The following PTPRT variants were observed in gnomAD, a reference collection of about 807,000 sequenced individuals.
PTPRT encodes receptor-type tyrosine-protein phosphatase T.
In PTPRT, 56 loss-of-function variants were observed where a neutral mutation model predicts 176.8. The observed-to-expected ratio is 0.32, with a 90% CI of 0.26 to 0.40. The LOEUF is 0.40. Ranked by LOEUF, PTPRT falls within the 10% of genes least tolerant of loss-of-function variation. PTPRT has a pLI of 1.00. For missense variants in PTPRT, 1,540 were observed against 1,908.2 expected (o/e 0.81, Z 3.60); for synonymous variants, 783 against 739.0 (o/e 1.06, Z -0.96).
At chr20:42,465,376 T>C (rs62203558) in intron 8 of PTPRT, among the ~76,000 whole-genome samples, 1 of 152,214 alleles carries the variant, frequency 6.6e-6, no homozygotes, top group Non-Finnish European at 1.5e-5. Context: ...GCTACAGTAT[T>C]ATTTATGATA....
intron 19 of PTPRT, among the ~76,000 whole-genome samples, chr20:42,126,025 T>TGGGGGGGGGGGGGGGGGGGGG (rs144977174): frequency 2.4e-5 from 1 of 41,798 alleles, no homozygotes. Context: ...TGTCTGGGAG[T>TGGGGGGGGGGGGGGGGGGGGG]GGGGGGGGGG....
In PTPRT at chr20:42,140,992, G is replaced by C. The variant is rs887349098; in HGVS notation, c.2770+923C>G. 4.5e-4 allele frequency among the ~76,000 whole-genome samples: 69 copies of C among 152,134 alleles called. 1 individual carries two copies. The highest frequency in any genetic ancestry group is 1.5e-3 in the African/African-American group (63 of 41,424). ...TAACTTTCCCAGGGCCCTACAGTTG[G>C]GATAGAAACCTGGGCAGTTTGACTC... On this transcript the variant is annotated intron_variant, in intron 18 of 30. Coordinates refer to ENST00000373187, the MANE Select transcript of PTPRT (RefSeq NM_007050.6).
the PTPRT span, among the ~76,000 whole-genome samples, chr20:42,038,419 G>C: frequency 5.3e-5 from 8 of 152,176 alleles, no homozygotes; most frequent in Non-Finnish European, 1.0e-4. Flanking sequence ...GCACGAGTGA[G>C]TCCAACTTGG....
chr20:43,049,192 T>C (rs1296217090), intron 1 of PTPRT, among the ~76,000 whole-genome samples: 1 of 152,236 alleles, frequency 6.6e-6, no homozygotes, highest in East Asian at 1.9e-4. Context: ...ATTGTGGAGA[T>C]TAACATTCAA....
intron 1 of PTPRT, among the ~76,000 whole-genome samples, chr20:42,951,600 T>G (rs1296277375): frequency 6.6e-6 from 1 of 152,228 alleles, no homozygotes; most frequent in East Asian, 1.9e-4. Context: ...ACCTAAGATT[T>G]CAATATCTTT....
At chr20:42,508,755 A>G (rs1394211375) in intron 7 of PTPRT, among the ~76,000 whole-genome samples, 1 of 151,746 alleles carries the variant, frequency 6.6e-6, no homozygotes, top group Non-Finnish European at 1.5e-5. Flanking sequence ...TACTCTAAAC[A>G]GGTGAGCTAT....
In PTPRT at chr20:42,865,683, G is replaced by A. The variant is rs1469350970; in HGVS notation, c.214+20124C>T. ...TCTCCAAGGCAAAGGAAAGAACATG[G>A]CAGTGATGACAAGGGGATGGCAAAG... On this transcript the variant is annotated intron_variant, in intron 2 of 30. Coordinates refer to ENST00000373187, the MANE Select transcript of PTPRT (RefSeq NM_007050.6). 2.0e-5 allele frequency among the ~76,000 whole-genome samples: 3 copies of A among 152,268 alleles called. No individual in the cohort carries two copies. In the East Asian group the frequency reaches 5.8e-4, roughly 29 times the overall value.
rs1010064049 is a variant in PTPRT at position 42,386,227 on chromosome 20, C to T, written c.1561-33942G>A. Among the ~76,000 whole-genome samples, 3 of 152,172 alleles carry T rather than the reference C, an allele frequency of 2.0e-5. No homozygotes were observed. In the East Asian group the frequency reaches 5.8e-4, roughly 29 times the overall value. On this transcript the variant is annotated intron_variant, in intron 9 of 30. Transcript: ENST00000373187. Reference sequence around the variant, plus strand: ...GGGCTGGAGAGGTGAGCCAAAATCCCATTTTAGAGCCTGAATTTTAGAAAC... The same window carrying T: ...GGGCTGGAGAGGTGAGCCAAAATCCTATTTTAGAGCCTGAATTTTAGAAAC...
chr20:42,666,134 A>T (rs1382751098), intron 7 of PTPRT, among the ~76,000 whole-genome samples: 1 of 152,134 alleles, frequency 6.6e-6, no homozygotes, highest in Non-Finnish European at 1.5e-5. Context: ...AGAAAGAAGA[A>T]AATAAAATAA....
intron 28 of PTPRT, among the ~76,000 whole-genome samples, 153 bp downstream of exon 28, chr20:42,085,575 G>A (rs1983805488): frequency 6.6e-6 from 1 of 152,168 alleles, no homozygotes; most frequent in Non-Finnish European, 1.5e-5. Flanking sequence ...TGAGTCTGGA[G>A]CCGGAATCAG....
intron 9 of PTPRT, among the ~76,000 whole-genome samples, chr20:42,437,566 T>C (rs1175695141): frequency 6.6e-6 from 1 of 152,190 alleles, no homozygotes; most frequent in Non-Finnish European, 1.5e-5. Flanking sequence ...TATGTATGTA[T>C]GTACGTATGT....
chr20:42,626,797 G>A (rs1352060807), intron 7 of PTPRT, among the ~76,000 whole-genome samples: 3 of 152,190 alleles, frequency 2.0e-5, no homozygotes, highest in Non-Finnish European at 4.4e-5. Flanking sequence ...CCTAAGGCCC[G>A]ACTTGACCAC....
At chr20:42,862,449 G>T (rs189470230) in intron 2 of PTPRT, among the ~76,000 whole-genome samples, 2 of 152,180 alleles carry the variant, frequency 1.3e-5, no homozygotes, top group Non-Finnish European at 2.9e-5. Context: ...AGGAAATTGG[G>T]TCTATTGTGT....
At chr20:42,287,815 A>C (rs935009440) in intron 12 of PTPRT, among the ~76,000 whole-genome samples, 1 of 151,970 alleles carries the variant, frequency 6.6e-6, no homozygotes, top group Admixed American at 6.6e-5. Flanking sequence ...GTCTCAAAAC[A>C]TCACTATGTA....
At chr20:42,815,068 A>G (rs1222898726) in intron 2 of PTPRT, among the ~76,000 whole-genome samples, 1 of 152,180 alleles carries the variant, frequency 6.6e-6, no homozygotes, top group African/African-American at 2.4e-5. Context: ...GTTTCCTCTG[A>G]AAGGTATACT....
At chr20:42,117,342 T>C (rs181586926) in intron 21 of PTPRT, among the ~76,000 whole-genome samples, 5 of 152,326 alleles carry the variant, frequency 3.3e-5, no homozygotes, top group Non-Finnish European at 1.5e-5. Flanking sequence ...TCATATGATG[T>C]GTAGAGAGCC....
At chr20:42,778,621 A>T (rs746021747) in intron 4 of PTPRT, among the ~76,000 whole-genome samples, 1 of 152,172 alleles carries the variant, frequency 6.6e-6, no homozygotes, top group African/African-American at 2.4e-5. Flanking sequence ...TGCAAGATTG[A>T]GCGCATGCAA....
intron 15 of PTPRT, among the ~76,000 whole-genome samples, chr20:42,203,953 C>T (rs1470003398): frequency 6.6e-6 from 1 of 152,204 alleles, no homozygotes; most frequent in African/African-American, 2.4e-5. Flanking sequence ...GCTTTTGACT[C>T]TTTGCACCTA....
intron 1 of PTPRT, among the ~76,000 whole-genome samples, chr20:43,056,416 T>C (rs1361812668): frequency 6.6e-6 from 1 of 152,150 alleles, no homozygotes; most frequent in East Asian, 1.9e-4. Flanking sequence ...AAACCTCAAA[T>C]CCAGAGCTTC....
Sources: gnomAD v4.1 joint callset for allele counts (sites outside exome capture counted in the v4.1 genomes callset) on GRCh38, gnomAD v4.1.1 for gene constraint, MANE v1.5 for transcripts, NCBI Gene and HGNC (gene_info 2026-07-23, HGNC 2026-07-21) for gene names.